CDK1: variants seen among roughly 807,000 people sequenced by gnomAD.
CDK1 encodes cyclin dependent kinase 1, also known as cyclin-dependent kinase 1.
A neutral mutation model predicts 34.6 loss-of-function variants in CDK1; 5 were observed. The ratio of observed to expected loss-of-function variants is 0.14; its 90% CI spans 0.08 to 0.30. CDK1 has a LOEUF of 0.30. Among genes scored for constraint, CDK1 ranks in the 10% least tolerant of loss-of-function variants. The pLI, the probability that CDK1 is intolerant of heterozygous loss-of-function variation, is 1.00. For synonymous variants in CDK1, 108 were observed against 114.7 expected, an observed-to-expected ratio of 0.94 and a Z score of 0.37; for missense variants, 157 against 345.7, an observed-to-expected ratio of 0.45 and a Z score of 4.33.
At position 60,792,169 on chromosome 10, in the gene CDK1, T is replaced by C; in HGVS notation, c.675T>C (p.Asn225=). 1 of 1,609,512 alleles carries C rather than the reference T, an allele frequency of 6.2e-7. No individual in the cohort carries two copies. Among genetic ancestry groups the C allele is most frequent in the Non-Finnish European group, 8.5e-7 (1 of 1,178,480 alleles). The part of the protein sequence containing the change: ...RIFRALGTPN[N]EVWPEVESLQ... ...TTAGAGCTTTGGGCACTCCCAATAA[T>C]GAAGTGTGGCCAGAAGTGGAATCTT... The change falls in exon 7 of 8, where the codon AAT becomes AAC. Residue 225 remains asparagine (N), a synonymous_variant. Coordinates refer to ENST00000395284, the MANE Select transcript of CDK1 (RefSeq NM_001786.5).
At chr10:60,785,399 C>G (rs1273112011) in intron 3 of CDK1, among the ~76,000 whole-genome samples, 3 of 152,050 alleles carry the variant, frequency 2.0e-5, no homozygotes, top group Non-Finnish European at 4.4e-5. Flanking sequence ...AAAATAAGCT[C>G]TCAGCAATTA....
chr10:60,785,790 A>G lies in CDK1; in HGVS notation c.318+3A>G. 1 of 1,580,926 alleles carries G rather than the reference A, an allele frequency of 6.3e-7. No homozygotes were observed. Among genetic ancestry groups the G allele is most frequent in the South Asian group, 1.2e-5 (1 of 85,174 alleles). On this transcript the variant is annotated splice_donor_region_variant and intron_variant, in intron 4 of 7. Transcript: ENST00000395284. ...ACATGGATTCTTCACTTGTTAAGGT[A>G]AAAGCTTAACTAATTTTATTAATAT...
intron 4 of CDK1, chr10:60,786,949 G>C (rs1417230282): frequency 1.0e-6 from 1 of 983,710 alleles, no homozygotes; most frequent in Non-Finnish European, 1.2e-6. Context: ...ATACATGTCA[G>C]TATTTTTCTG....
chr10:60,788,326 A>T lies in CDK1; in HGVS notation c.489+96A>T, dbSNP rs1005772282. 17 of 896,488 alleles carry T rather than the reference A, an allele frequency of 1.9e-5. No homozygotes were observed. In the South Asian group the frequency reaches 4.0e-4, roughly 21 times the overall value. 55.5% of individuals were successfully genotyped at this position (896,488 alleles called of 1,614,324 possible). A position where few individuals can be genotyped will look rare whatever the true frequency, so the allele number is the denominator to read the frequency against. On this transcript the variant is annotated intron_variant, in intron 5 of 7. Transcript: ENST00000395284. ...AAGTCAAGAAATAACTCAATAAAAG[A>T]TATCTACTCTGTGGCAGTATCAATT...
At chr10:60,785,869 G>A (rs774156794) in intron 4 of CDK1, 82 bp downstream of exon 4, 6 of 1,370,078 alleles carry the variant, frequency 4.4e-6, no homozygotes, top group Non-Finnish European at 5.7e-6. Context: ...CATTTTGTGG[G>A]AATATGCTTG....
At chr10:60,786,325 T>C in intron 4 of CDK1, 1 of 946,546 alleles carries the variant, frequency 1.1e-6, no homozygotes, top group Non-Finnish European at 1.3e-6. Flanking sequence ...TTTGTATGTA[T>C]ATAAAGATTT....
chr10:60,787,572 C>G (rs1368020905), intron 4 of CDK1: 1 of 151,982 alleles, frequency 6.6e-6, no homozygotes, highest in Non-Finnish European at 1.5e-5. Context: ...GCACTTTTCT[C>G]TGAACTAAGC....
At chr10:60,778,654 A>T (rs894255696) in intron 1 of CDK1, 84 bp downstream of exon 1, 18 of 152,546 alleles carry the variant, frequency 1.2e-4, no homozygotes, top group African/African-American at 4.1e-4. Context: ...GTCCTCTAAG[A>T]AGGCCGGACT....
chr10:60,787,944 TG>T (rs776344882), intron 4 of CDK1, 115 bp from the exon 5 acceptor site: 4 of 547,976 alleles, frequency 7.3e-6, no homozygotes, highest in Non-Finnish European at 1.3e-5. Context: ...TAAAATGGCC[TG>T]AAAGCTCTAG....
intron 5 of CDK1, 57 bp from the exon 6 acceptor site, chr10:60,791,833 A>T: frequency 1.1e-6 from 1 of 900,262 alleles, no homozygotes; most frequent in Non-Finnish European, 1.7e-6. Flanking sequence ...TAAATGTTTA[A>T]GTGTAGGTAA....
In CDK1 at chr10:60,785,770, G is replaced by T. The variant is rs759629291; in HGVS notation, c.301G>T (p.Asp101Tyr). The part of the protein sequence containing the change: ...LDSIPPGQYM[D>Y]SSLVKSYLYQ... The stretch of plus-strand genomic sequence containing the variant: ...TTCTATCCCTCCTGGTCAGTACATG[G>T]ATTCTTCACTTGTTAAGGTAAAAGC... The change falls in exon 4 of 8, where the codon GAT becomes TAT. Residue 101 changes from aspartate (D) to tyrosine (Y), a missense_variant. Physicochemically the swap from Asp to Tyr is radical, Grantham distance 160. This residue lies in a region of CDK1 where 102 missense variants were observed against 233.6 expected (regional missense o/e 0.44). Coordinates refer to ENST00000395284, the MANE Select transcript of CDK1 (RefSeq NM_001786.5). The T allele has an allele frequency of 6.3e-7, 1 of 1,594,276 alleles. No individual in the cohort carries two copies. Among genetic ancestry groups the T allele is most frequent in the Non-Finnish European group, 8.6e-7 (1 of 1,167,612 alleles).
intron 7 of CDK1, 42 bp downstream of exon 7, chr10:60,792,331 T>C: frequency 6.5e-7 from 1 of 1,532,746 alleles, no homozygotes. Context: ...TTATTGATGA[T>C]TCTGAATATA....
intron 7 of CDK1, 24 bp from the exon 8 acceptor site, chr10:60,793,853 A>G (rs865920563): frequency 2.4e-5 from 31 of 1,297,536 alleles, no homozygotes; most frequent in Middle Eastern, 1.9e-4. Context: ...CTAAATAAAT[A>G]TCTCTTTTTC....
chr10:60,791,237 C>G (rs2080357749), intron 5 of CDK1, among the ~76,000 whole-genome samples: 1 of 151,984 alleles, frequency 6.6e-6, no homozygotes, highest in African/African-American at 2.4e-5. Flanking sequence ...TTATACATCT[C>G]ATTTGTTAAA....
At chr10:60,791,774 T>C in intron 5 of CDK1, 116 bp from the exon 6 acceptor site, 1 of 543,632 alleles carries the variant, frequency 1.8e-6, no homozygotes, top group Non-Finnish European at 3.2e-6. Flanking sequence ...TTAAACAATA[T>C]TATTGGTGGC....
At position 60,788,889 on chromosome 10, in the gene CDK1, T is replaced by G. The variant is rs2080336365; in HGVS notation, c.489+659T>G. On this transcript the variant is annotated intron_variant, in intron 5 of 7. Transcript: ENST00000395284. Reference sequence around the variant, plus strand: ...ACAGTGCTCATCTGATTAGATGTCTTGGCTGCTTGTTAGTCTTTATCATTT... The same window carrying G: ...ACAGTGCTCATCTGATTAGATGTCTGGGCTGCTTGTTAGTCTTTATCATTT... 4.6e-5 allele frequency among the ~76,000 whole-genome samples: 7 copies of G among 152,142 alleles called. No individual in the cohort carries two copies. The South Asian group carries it at 8.3e-4, about 18-fold the overall frequency.
intron 1 of CDK1, among the ~76,000 whole-genome samples, chr10:60,779,668 A>C (rs2080255376): frequency 6.6e-6 from 1 of 152,210 alleles, no homozygotes; most frequent in African/African-American, 2.4e-5. Context: ...AAATTTTCCT[A>C]ATGAACAGTC....
rs776417346 is a variant in CDK1, at chr10:60,794,023, T to C, written c.*48T>C. The C allele has an allele frequency of 1.1e-6, 1 of 899,578 alleles. No individual in the cohort carries two copies. Among genetic ancestry groups the C allele is most frequent in the Non-Finnish European group, 1.7e-6 (1 of 581,034 alleles). The allele number at this position is 899,578 out of a possible 1,614,324, so 55.7% of individuals were successfully genotyped here. On this transcript the variant is annotated 3_prime_UTR_variant, in exon 8 of 8. Transcript: ENST00000395284. ...ATGTTATATCAACAGATAGTTGTGT[T>C]TTTATTGTTAACTCTTGTCTATTTT...
chr10:60,781,220 T>C (rs1236114437), intron 2 of CDK1, among the ~76,000 whole-genome samples: 1 of 152,180 alleles, frequency 6.6e-6, no homozygotes, highest in Non-Finnish European at 1.5e-5. Context: ...AGAGACCTTC[T>C]TAAAGTATAA....
Sources: allele counts gnomAD v4.1 joint callset (sites outside exome capture counted in the v4.1 genomes callset), GRCh38; gene constraint gnomAD v4.1.1; regional missense constraint gnomAD v4.1.1; transcripts MANE v1.5; gene names NCBI Gene and HGNC (gene_info 2026-07-23, HGNC 2026-07-21).